Variants in DACH1 observed in about 807,000 individuals in gnomAD.
DACH1 encodes dachshund homolog 1.
A neutral mutation model predicts 54.2 loss-of-function variants in DACH1; 12 were observed. The ratio of observed to expected loss-of-function variants is 0.22; its 90% CI spans 0.14 to 0.36. The LOEUF (loss-of-function observed/expected upper bound fraction) is 0.36. Ranked by LOEUF, DACH1 falls within the 10% of genes least tolerant of loss-of-function variation. The pLI is 1.00. For synonymous variants in DACH1, 386 were observed against 366.2 expected (o/e 1.05, Z -0.62); for missense variants, 805 against 929.8 (o/e 0.87, Z 1.75).
intron 6 of DACH1, among the ~76,000 whole-genome samples, chr13:71,512,626 A>G (rs547742414): frequency 6.6e-6 from 1 of 152,068 alleles, no homozygotes; most frequent in South Asian, 2.1e-4. Flanking sequence ...TGGATCTCAA[A>G]GTGTTCAATA....
At chr13:71,696,841 C>G (rs1007399760) in intron 1 of DACH1, among the ~76,000 whole-genome samples, 1 of 152,168 alleles carries the variant, frequency 6.6e-6, no homozygotes, top group African/African-American at 2.4e-5. Flanking sequence ...CCACCGTGCC[C>G]GGCCTGAAAT....
At chr13:71,519,245 T>C (rs993669275) in intron 6 of DACH1, among the ~76,000 whole-genome samples, 1 of 151,874 alleles carries the variant, frequency 6.6e-6, no homozygotes, top group Non-Finnish European at 1.5e-5. Flanking sequence ...AGTGTATCAC[T>C]AATGAGCTGA....
intron 1 of DACH1, among the ~76,000 whole-genome samples, chr13:71,798,323 C>CATATATATATATATATATATATAT (rs35310464): frequency 1.0e-5 from 1 of 96,466 alleles, no homozygotes; most frequent in African/African-American, 3.7e-5. Flanking sequence ...TTGTTACATA[C>CATATATATATATATATATATATAT]ATATATATAT....
chr13:71,642,629 G>C (rs1161834102), intron 2 of DACH1, among the ~76,000 whole-genome samples: 1 of 152,036 alleles, frequency 6.6e-6, no homozygotes, highest in Non-Finnish European at 1.5e-5. Flanking sequence ...AATTTATAAG[G>C]TGACTTAAAC....
intron 3 of DACH1, among the ~76,000 whole-genome samples, chr13:71,594,564 A>C (rs1873959668): frequency 6.6e-6 from 1 of 152,196 alleles, no homozygotes; most frequent in Non-Finnish European, 1.5e-5. Flanking sequence ...ATAGTAACAT[A>C]ATGTGTAAAC....
chr13:71,748,383 T>TA (rs1049169524), intron 1 of DACH1, among the ~76,000 whole-genome samples: 4 of 152,164 alleles, frequency 2.6e-5, no homozygotes, highest in Non-Finnish European at 4.4e-5. Context: ...ATCTTAGAGA[T>TA]AAAAAAGTGC....
intron 6 of DACH1, among the ~76,000 whole-genome samples, chr13:71,521,450 T>C (rs1444296530): frequency 3.3e-5 from 5 of 152,026 alleles, no homozygotes; most frequent in African/African-American, 1.2e-4. Flanking sequence ...TACTATTCAA[T>C]ACTGCTTGAA....
intron 1 of DACH1, among the ~76,000 whole-genome samples, chr13:71,696,300 T>C (rs140863420): frequency 6.6e-6 from 1 of 152,282 alleles, no homozygotes; most frequent in African/African-American, 2.4e-5. Context: ...TGATGCACAT[T>C]ATATAATTTA....
intron 1 of DACH1, among the ~76,000 whole-genome samples, chr13:71,759,555 T>C (rs1318001500): frequency 6.6e-6 from 1 of 152,168 alleles, no homozygotes; most frequent in African/African-American, 2.4e-5. Context: ...ATTTAAAGTT[T>C]AGCTTCAATA....
chr13:71,701,007 C>CT (rs1882110368), intron 1 of DACH1, among the ~76,000 whole-genome samples: 1 of 152,072 alleles, frequency 6.6e-6, no homozygotes, highest in African/African-American at 2.4e-5. Context: ...CAGCACTTGA[C>CT]TTTTTTAAAA....
chr13:71,472,773 C>G (rs1047216095), intron 10 of DACH1, among the ~76,000 whole-genome samples: 3 of 152,300 alleles, frequency 2.0e-5, no homozygotes, highest in African/African-American at 7.2e-5. Context: ...GACCGTTTCA[C>G]AAATTAGTAA....
At chr13:71,485,025 C>A (rs1293982918) in intron 7 of DACH1, among the ~76,000 whole-genome samples, 1 of 151,122 alleles carries the variant, frequency 6.6e-6, no homozygotes, top group Non-Finnish European at 1.5e-5. Context: ...CACTGCACTG[C>A]AGCCTGGGCG....
intron 3 of DACH1, among the ~76,000 whole-genome samples, chr13:71,593,847 G>A (rs1413406628): frequency 6.6e-6 from 1 of 151,580 alleles, no homozygotes; most frequent in Non-Finnish European, 1.5e-5. Flanking sequence ...TGAAGTTTTG[G>A]TTCATATTGA....
intron 7 of DACH1, among the ~76,000 whole-genome samples, chr13:71,487,048 A>G (rs1304168153): frequency 6.6e-6 from 1 of 151,778 alleles, no homozygotes; most frequent in Non-Finnish European, 1.5e-5. Context: ...ACGGGGCTTC[A>G]TGATGCTGGC....
At chr13:71,688,184 G>C (rs1004723888) in intron 1 of DACH1, among the ~76,000 whole-genome samples, 1 of 152,114 alleles carries the variant, frequency 6.6e-6, no homozygotes, top group Non-Finnish European at 1.5e-5. Context: ...ACATCGTCTA[G>C]ATTAAATAAA....
chr13:71,723,087 C>T (rs1192555072), intron 1 of DACH1, among the ~76,000 whole-genome samples: 1 of 151,886 alleles, frequency 6.6e-6, no homozygotes, highest in Non-Finnish European at 1.5e-5. Context: ...TTTCTCTATC[C>T]TAAATAAAAT....
intron 2 of DACH1, among the ~76,000 whole-genome samples, chr13:71,674,658 G>A (rs1880434868): frequency 7.2e-6 from 1 of 139,252 alleles, no homozygotes; most frequent in African/African-American, 2.7e-5. Flanking sequence ...TTTTGGACTC[G>A]CAACCTCCAT....
chr13:71,462,918 A>AC (rs1876222823), intron 10 of DACH1, among the ~76,000 whole-genome samples: 1 of 8,526 alleles, frequency 1.2e-4, no homozygotes, highest in African/African-American at 1.2e-4. Context: ...ACACACACAT[A>AC]AACCATGAAT....
intron 1 of DACH1, among the ~76,000 whole-genome samples, chr13:71,817,979 T>C (rs9318035): frequency 0.67 from 101,113 of 151,454 alleles, 34,155 homozygotes; most frequent in East Asian, 0.88. Context: ...GATGCCCCAC[T>C]AATTTTGTAT....
Sources: allele counts gnomAD v4.1 joint callset (sites outside exome capture counted in the v4.1 genomes callset), GRCh38; gene constraint gnomAD v4.1.1; transcripts MANE v1.5; gene names NCBI Gene and HGNC (gene_info 2026-07-23, HGNC 2026-07-21).